The following GRHL2 variants were observed in gnomAD, a reference collection of about 807,000 sequenced individuals.
GRHL2 encodes the protein grainyhead-like protein 2 homolog.
A neutral mutation model predicts 83.8 loss-of-function variants in GRHL2; 21 were observed. The ratio of observed to expected loss-of-function variants is 0.25; its 90% confidence interval spans 0.18 to 0.36. GRHL2 has a LOEUF of 0.36. GRHL2 is among the 10% of genes least tolerant of loss of function. GRHL2 has a pLI of 1.00. For synonymous variants in GRHL2, 280 were observed against 278.9 expected, an observed-to-expected ratio of 1.00 and a Z score of -0.04; for missense variants, 623 against 781.8, an observed-to-expected ratio of 0.80 and a Z score of 2.42.
At chr8:101,516,496 C>T (rs1271231747) in intron 1 of GRHL2, among the ~76,000 whole-genome samples, 2 of 145,824 alleles carry the variant, frequency 1.4e-5, no homozygotes, top group South Asian at 4.4e-4. Context: ...TGGCTTACTG[C>T]AACCTCGATC....
chr8:101,665,146 C>T (rs899830053), intron 15 of GRHL2, among the ~76,000 whole-genome samples: 11 of 152,142 alleles, frequency 7.2e-5, no homozygotes, highest in East Asian at 3.8e-4. Flanking sequence ...TTAAGCATGT[C>T]GCCCAAGTCT....
At chr8:101,536,888 C>A (rs957833672) in intron 1 of GRHL2, among the ~76,000 whole-genome samples, 2 of 152,050 alleles carry the variant, frequency 1.3e-5, no homozygotes, top group Non-Finnish European at 2.9e-5. Flanking sequence ...AAGCCTAGTA[C>A]CCAATAGTCA....
At position 101,667,058 on chromosome 8, in the gene GRHL2, T is replaced by C; in HGVS notation, c.*355T>C. 1 of 360,790 alleles carries C rather than the reference T, an allele frequency of 2.8e-6. No individual in the cohort carries two copies. The allele number at this position is 360,790 out of a possible 1,614,324, so 22.3% of individuals were successfully genotyped here. The stretch of plus-strand genomic sequence containing the variant: ...AGCGTTCCCCCTTCAAGAGAAACAC[T>C]CATCCCGAACAGCCTAAAAAATTCC... On this transcript the variant is annotated 3_prime_UTR_variant, in exon 16 of 16. Coordinates refer to ENST00000646743, the MANE Select transcript of GRHL2 (RefSeq NM_024915.4).
chr8:101,656,384 C>A (rs551365300), intron 14 of GRHL2, among the ~76,000 whole-genome samples: 42 of 152,334 alleles, frequency 2.8e-4, no homozygotes, highest in Non-Finnish European at 2.9e-4. Flanking sequence ...ATCATCACTA[C>A]TTTACAGATG....
At position 101,611,259 on chromosome 8, in the gene GRHL2, T is replaced by C. The variant is rs561647555; in HGVS notation, c.1099-8280T>C. 3.3e-5 allele frequency among the ~76,000 whole-genome samples: 5 copies of C among 151,208 alleles called. No homozygotes were observed. In the South Asian group the frequency reaches 1.0e-3, roughly 31 times the overall value. ...CCTTAAACAAAAATGGAGTTAGTTA[T>C]GTTAGTTCTTTTGCTTTCTTATGTT... On this transcript the variant is annotated intron_variant, in intron 8 of 15. Transcript: ENST00000646743.
intron 1 of GRHL2, among the ~76,000 whole-genome samples, chr8:101,521,564 G>A (rs1262934911): frequency 6.6e-6 from 1 of 152,140 alleles, no homozygotes; most frequent in Non-Finnish European, 1.5e-5. Flanking sequence ...GGCAGAGACT[G>A]GGTCTGTCTT....
At chr8:101,523,072 G>A (rs1329624758) in intron 1 of GRHL2, among the ~76,000 whole-genome samples, 7 of 151,378 alleles carry the variant, frequency 4.6e-5, no homozygotes, top group Admixed American at 4.6e-4. Flanking sequence ...ACCATGCCCC[G>A]CTAATTTTTT....
At chr8:101,601,368 G>A (rs1234096422) in intron 8 of GRHL2, among the ~76,000 whole-genome samples, 1 of 152,176 alleles carries the variant, frequency 6.6e-6, no homozygotes, top group African/African-American at 2.4e-5. Flanking sequence ...TATAGAAAAT[G>A]CCTAACCTGG....
intron 8 of GRHL2, among the ~76,000 whole-genome samples, chr8:101,612,283 C>A (rs1196035661): frequency 6.6e-6 from 1 of 151,210 alleles, no homozygotes; most frequent in East Asian, 1.9e-4. Context: ...AGCCACCATG[C>A]CTGGCCTTCT....
Position 101,558,551 on chromosome 8 carries a change from C to T in GRHL2, c.417C>T (p.Tyr139=), listed in dbSNP as rs768143303. The change falls in exon 4 of 16, where the codon TAC becomes TAT. Residue 139 remains tyrosine (Y), a synonymous_variant. Coordinates refer to ENST00000646743, the MANE Select transcript of GRHL2 (RefSeq NM_024915.4). ...DHLENSKREQ[Y]SISFPESSAI... The stretch of plus-strand genomic sequence containing the variant: ...TGGAGAATTCCAAGCGGGAACAGTA[C>T]AGCATCAGCTTCCCCGAGAGCTCTG... 1.4e-5 allele frequency: 23 copies of T among 1,614,024 alleles called. No homozygotes were observed. The highest frequency in any genetic ancestry group is 1.3e-4 in the African/African-American group (10 of 74,894).
chr8:101,528,818 C>A, intron 1 of GRHL2: 1 of 336,946 alleles, frequency 3.0e-6, no homozygotes, highest in South Asian at 2.9e-5. Flanking sequence ...ATTGAAGAGC[C>A]ATTCAAACCA....
intron 1 of GRHL2, among the ~76,000 whole-genome samples, chr8:101,498,755 A>G (rs1586393214): frequency 6.6e-6 from 1 of 152,198 alleles, no homozygotes; most frequent in African/African-American, 2.4e-5. Flanking sequence ...TACTAGGCTC[A>G]GGAAAGTAAA....
chr8:101,556,261 A>G (rs1328451890), intron 3 of GRHL2, among the ~76,000 whole-genome samples: 1 of 152,172 alleles, frequency 6.6e-6, no homozygotes, highest in Non-Finnish European at 1.5e-5. Flanking sequence ...CCGGCCTCAG[A>G]AGAGCAAATT....
intron 12 of GRHL2, among the ~76,000 whole-genome samples, chr8:101,638,511 A>T (rs1441319282): frequency 1.3e-5 from 2 of 152,236 alleles, no homozygotes; most frequent in African/African-American, 4.8e-5. Context: ...CTGCTACAGC[A>T]GCAGAGTTGA....
chr8:101,497,372 A>C (rs1810129004), intron 1 of GRHL2, among the ~76,000 whole-genome samples: 1 of 152,214 alleles, frequency 6.6e-6, no homozygotes, highest in East Asian at 1.9e-4. Context: ...AGTTTCTATA[A>C]ACTATATCCA....
At position 101,636,309 on chromosome 8, in the gene GRHL2, T is replaced by A. The variant is rs73699537; in HGVS notation, c.1486-588T>A. On this transcript the variant is annotated intron_variant, in intron 11 of 15. Transcript: ENST00000646743. ...GCCAGGAACACCTTCCAGAGCTAAA[T>A]GACCTTTCCTGGCCTGAAGACTGTT... Among the ~76,000 whole-genome samples the A allele has an allele frequency of 4.3e-3, 655 of 152,348 alleles. 4 individuals are homozygous for A. The highest frequency in any genetic ancestry group is 0.014 in the African/African-American group (574 of 41,584).
rs186278684 is a variant in GRHL2, at chr8:101,634,763, T to A, written c.1486-2134T>A. On this transcript the variant is annotated intron_variant, in intron 11 of 15. Transcript: ENST00000646743. ...TCAAGGACATGACTTGGGGAGTGGG[T>A]ATTTCACTCTCAGGCCACCTGCCCC... Among the ~76,000 whole-genome samples, 424 of 152,210 alleles carry A rather than the reference T, an allele frequency of 2.8e-3. 6 individuals carry two copies. The highest frequency in any genetic ancestry group is 9.4e-4 in the Non-Finnish European group (64 of 68,006).
intron 4 of GRHL2, chr8:101,562,099 A>T: frequency 1.5e-6 from 1 of 675,692 alleles, no homozygotes; most frequent in Non-Finnish European, 2.8e-6. Flanking sequence ...GATAAGATGG[A>T]TGTTTTGCTT....
intron 1 of GRHL2, among the ~76,000 whole-genome samples, chr8:101,504,915 T>C (rs1260694951): frequency 5.4e-5 from 8 of 147,820 alleles, no homozygotes; most frequent in Non-Finnish European, 1.0e-4. Flanking sequence ...AAGTACCTGA[T>C]GGGAACTTGC....
Sources: allele counts gnomAD v4.1 joint callset (sites outside exome capture counted in the v4.1 genomes callset), GRCh38; gene constraint gnomAD v4.1.1; transcripts MANE v1.5; gene names NCBI Gene and HGNC (gene_info 2026-07-23, HGNC 2026-07-21).